The following NLRP5 variants were observed in gnomAD, a reference collection of about 807,000 sequenced individuals.
The protein encoded by NLRP5 is NACHT, LRR and PYD domains-containing protein 5.
A neutral mutation model predicts 113.1 loss-of-function variants in NLRP5; 93 were observed. That is an observed-to-expected ratio of 0.82 (90% CI 0.70 to 0.98). NLRP5 has a LOEUF of 0.98. Ranked by LOEUF, NLRP5 falls within the 50% of genes least tolerant of loss-of-function variation. The pLI, the probability that NLRP5 is intolerant of heterozygous loss-of-function variation, is 0.00. For synonymous variants in NLRP5, 751 were observed against 600.7 expected, an observed-to-expected ratio of 1.25 and a Z score of -3.66; for missense variants, 1,808 against 1,514.3, an observed-to-expected ratio of 1.19 and a Z score of -3.22.
chr19:56,056,365 G>A (rs2123343806), intron 13 of NLRP5, among the ~76,000 whole-genome samples: 1 of 151,986 alleles, frequency 6.6e-6, no homozygotes, highest in Admixed American at 6.6e-5. Flanking sequence ...CGAGACCAGT[G>A]TGCCAACATA....
intron 3 of NLRP5, among the ~76,000 whole-genome samples, chr19:56,014,177 T>A (rs572061602): frequency 1.3e-5 from 2 of 152,240 alleles, no homozygotes; most frequent in Admixed American, 1.3e-4. Flanking sequence ...TGGTGTTATA[T>A]CTTTAAAAAA....
rs200532033 is a variant in NLRP5 at position 56,058,387 on chromosome 19, C to T, written c.3447C>T (p.Pro1149=). 43 of 1,613,644 alleles carry T rather than the reference C, an allele frequency of 2.7e-5. No individual in the cohort carries two copies. The Admixed American group carries it at 7.0e-4, about 26-fold the overall frequency. The change falls in exon 14 of 15, where the codon CCC becomes CCT. Residue 1149 remains proline (P), a synonymous_variant. Coordinates refer to ENST00000390649, the MANE Select transcript of NLRP5 (RefSeq NM_153447.4). ...AGCTGTGTTCGGCCTTTGCCTGTCC[C>T]ACGTCTAACTTACAGATAATTGGGT...
chr19:55,999,832 C>T (rs1394096014), intron 1 of NLRP5: 2 of 1,435,826 alleles, frequency 1.4e-6, no homozygotes, highest in Non-Finnish European at 2.0e-6. Flanking sequence ...CGACCCTCAG[C>T]CTTGGTACCA....
Position 56,027,628 on chromosome 19 carries a change from C to A in NLRP5, c.1395C>A (p.Leu465=), listed in dbSNP as rs763552323. ...CGATCATGAACAACCGTGAGCTGCTCGACCAGTGCCAGGTGCCCGCCGTGG... is the reference window on the plus strand; with the variant it reads ...CGATCATGAACAACCGTGAGCTGCTAGACCAGTGCCAGGTGCCCGCCGTGG... Residue 465 remains leucine, a synonymous_variant, in exon 7 of 15, where the codon CTC becomes CTA. Coordinates refer to ENST00000390649, the MANE Select transcript of NLRP5 (RefSeq NM_153447.4). The A allele has an allele frequency of 1.2e-6, 2 of 1,613,614 alleles. No homozygotes were observed. Among genetic ancestry groups the A allele is most frequent in the Admixed American group, 1.7e-5 (1 of 60,022 alleles).
At chr19:56,024,567 A>C (rs953886469) in intron 6 of NLRP5, among the ~76,000 whole-genome samples, 1 of 137,202 alleles carries the variant, frequency 7.3e-6, no homozygotes, top group Non-Finnish European at 1.6e-5. Context: ...ATATGTATAT[A>C]TACACATATA....
Position 56,061,795 on chromosome 19 carries a change from C to G in NLRP5, c.*267C>G. ...GCATATAGAGGGAATTAAATAAACA[C>G]AAAGCATTTGGAAAAGTTGTCAAGT... On this transcript the variant is annotated 3_prime_UTR_variant, in exon 15 of 15. Coordinates refer to ENST00000390649, the MANE Select transcript of NLRP5 (RefSeq NM_153447.4). 3.0e-6 allele frequency: 1 copy of G among 329,654 alleles called. No homozygotes were observed. Among genetic ancestry groups the G allele is most frequent in the Non-Finnish European group, 5.5e-6 (1 of 181,992 alleles). The allele number at this position is 329,654 out of a possible 1,614,324, so 20.4% of individuals were successfully genotyped here. A position where few individuals can be genotyped will look rare whatever the true frequency, so the allele number is the denominator to read the frequency against.
chr19:56,047,068 T>TA (rs58512847), intron 11 of NLRP5, among the ~76,000 whole-genome samples: 146,132 of 152,166 alleles, frequency 0.96, 70,287 homozygotes, highest in Middle Eastern at 0.98. Flanking sequence ...TGATCTTTTG[T>TA]TTTCAGTGAT....
chr19:56,027,089 G>A lies in NLRP5; in HGVS notation c.856G>A (p.Gly286Arg), dbSNP rs754281729. Residue 286 changes from glycine (G) to arginine (R), a missense_variant, in exon 7 of 15, where the codon GGA becomes AGA. By Grantham distance (125) the Gly-to-Arg change is moderately radical (BLOSUM62 -2). Transcript: ENST00000390649. ...CCGGCCTCGCACGGTGGTTCTGCACGGAAAGTCAGGAATTGGGAAATCGGC... is the reference window on the plus strand; with the variant it reads ...CCGGCCTCGCACGGTGGTTCTGCACAGAAAGTCAGGAATTGGGAAATCGGC... The A allele has an allele frequency of 3.2e-6, 5 of 1,567,024 alleles. No individual in the cohort carries two copies. The highest frequency in any genetic ancestry group is 2.7e-5 in the African/African-American group (2 of 73,712).
chr19:56,027,525 G>A lies in NLRP5; in HGVS notation c.1292G>A (p.Gly431Glu), dbSNP rs1568491276. ...TCTCCCCGTTACCTGTTAGTTAGAG[G>A]AATCTCCGGGGAACAAAGAATCCAC... Residue 431 changes from glycine to glutamate, a missense_variant, in exon 7 of 15, where the codon GGA becomes GAA. Physicochemically the swap from Gly to Glu is moderately conservative, Grantham distance 98. Coordinates refer to ENST00000390649, the MANE Select transcript of NLRP5 (RefSeq NM_153447.4). 1 of 1,613,980 alleles carries A rather than the reference G, an allele frequency of 6.2e-7. No individual in the cohort carries two copies. The highest frequency in any genetic ancestry group is 1.6e-4 in the Middle Eastern group (1 of 6,062).
chr19:56,007,791 A>C (rs978996375), intron 2 of NLRP5, among the ~76,000 whole-genome samples: 1 of 136,232 alleles, frequency 7.3e-6, no homozygotes, highest in Non-Finnish European at 1.6e-5. Context: ...CCATGAGATA[A>C]ATAAAGGTGG....
intron 13 of NLRP5, among the ~76,000 whole-genome samples, chr19:56,057,602 T>C (rs1425709537): frequency 2.0e-5 from 3 of 152,206 alleles, no homozygotes; most frequent in Non-Finnish European, 2.9e-5. Flanking sequence ...TCTGTGTTCC[T>C]TGTTATGTTT....
chr19:56,006,358 A>G (rs754713146), intron 2 of NLRP5, among the ~76,000 whole-genome samples: 5 of 152,266 alleles, frequency 3.3e-5, no homozygotes, highest in African/African-American at 4.8e-5. Flanking sequence ...ACACCAACAT[A>G]GCACATGTAT....
chr19:56,059,544 G>GT (rs1984278146), intron 14 of NLRP5, among the ~76,000 whole-genome samples: 1 of 152,090 alleles, frequency 6.6e-6, no homozygotes, highest in Admixed American at 6.6e-5. Flanking sequence ...TTTATTTTAA[G>GT]TTTTTTGAGA....
intron 9 of NLRP5, among the ~76,000 whole-genome samples, chr19:56,036,100 G>C (rs1261949353): frequency 9.3e-6 from 1 of 106,994 alleles, no homozygotes; most frequent in African/African-American, 4.0e-5. Flanking sequence ...GTCTTGCTCT[G>C]TTGCCCAGGC....
chr19:55,998,329 C>G (rs417952), upstream of NLRP5, among the ~76,000 whole-genome samples: 10 of 151,934 alleles, frequency 6.6e-5, no homozygotes, highest in East Asian at 1.9e-3. Context: ...CACACTCCAG[C>G]CTGAGGGACA....
In NLRP5 at chr19:56,008,614, C is replaced by G. The variant is rs141534900; in HGVS notation, c.443-174C>G. 1.9e-3 allele frequency among the ~76,000 whole-genome samples: 292 copies of G among 152,240 alleles called. 1 individual carries two copies. The highest frequency in any genetic ancestry group is 6.7e-3 in the African/African-American group (279 of 41,564). On this transcript the variant is annotated intron_variant, in intron 2 of 14. Coordinates refer to ENST00000390649, the MANE Select transcript of NLRP5 (RefSeq NM_153447.4). ...TGTTTCTTCAGTGTGCTTCTGCTGG[C>G]TCAGGAAAGTCTGACTTTGTTGTCT...
rs751430166 is a variant in NLRP5 at position 56,027,362 on chromosome 19, C to G, written c.1129C>G (p.Leu377Val). ...CTCTGTCCTCAACAATGACACAAAG[C>G]TCTGCAAAGACTGGGCTGAGAAGCA... The change falls in exon 7 of 15, where the codon CTC (leucine) becomes GTC (valine). Residue 377 changes from leucine (L) to valine (V), a missense_variant. Transcript: ENST00000390649. The G allele has an allele frequency of 6.2e-7, 1 of 1,613,452 alleles. No individual in the cohort carries two copies. Among genetic ancestry groups the G allele is most frequent in the Non-Finnish European group, 8.5e-7 (1 of 1,179,812 alleles).
upstream of NLRP5, among the ~76,000 whole-genome samples, chr19:55,995,347 T>G (rs371622353): frequency 6.6e-6 from 1 of 152,112 alleles, no homozygotes; most frequent in Non-Finnish European, 1.5e-5. Context: ...ACCCTAGAAC[T>G]TAAAGTATTA....
intron 6 of NLRP5, among the ~76,000 whole-genome samples, chr19:56,022,015 G>C (rs1982634376): frequency 6.6e-6 from 1 of 152,158 alleles, no homozygotes; most frequent in African/African-American, 2.4e-5. Flanking sequence ...ATGTAATGTT[G>C]ATCCTGTGTG....
Sources: gnomAD v4.1 joint callset for allele counts (sites outside exome capture counted in the v4.1 genomes callset) on GRCh38, gnomAD v4.1.1 for gene constraint, MANE v1.5 for transcripts, NCBI Gene and HGNC (gene_info 2026-07-23, HGNC 2026-07-21) for gene names.